Variants in CHL1 observed in about 807,000 individuals in gnomAD.
CHL1 encodes cell adhesion molecule L1 like, also known as neural cell adhesion molecule L1-like protein.
A neutral mutation model predicts 141.9 loss-of-function variants in CHL1; 96 were observed. The observed-to-expected ratio is 0.68, with a 90% CI of 0.57 to 0.80. CHL1 has a LOEUF of 0.80. Among genes scored for constraint, CHL1 ranks in the 30% least tolerant of loss-of-function variants. The probability of loss-of-function intolerance (pLI) is 0.00; values close to 1 mark genes in which losing one functional copy is unlikely to be tolerated. For synonymous variants in CHL1, 613 were observed against 502.2 expected, an observed-to-expected ratio of 1.22 and a Z score of -2.95; for missense variants, 1,820 against 1,457.2, an observed-to-expected ratio of 1.25 and a Z score of -4.05.
chr3:259,112 A>G (rs1395426629), intron 2 of CHL1, among the ~76,000 whole-genome samples: 1 of 151,094 alleles, frequency 6.6e-6, no homozygotes, highest in Non-Finnish European at 1.5e-5. Flanking sequence ...TTTTAGAGAG[A>G]GAATTTCACC....
intron 2 of CHL1, among the ~76,000 whole-genome samples, chr3:300,800 C>T (rs1271568030): frequency 6.6e-6 from 1 of 151,890 alleles, no homozygotes; most frequent in African/African-American, 2.4e-5. Flanking sequence ...AAGAGAAAAC[C>T]CTTGTGATAT....
chr3:342,935 A>G (rs1370382616), intron 7 of CHL1, 49 bp from the exon 8 acceptor site: 5 of 1,445,772 alleles, frequency 3.5e-6, no homozygotes, highest in African/African-American at 2.9e-5. Context: ...TATTGATATC[A>G]GCATCCACCA....
intron 2 of CHL1, among the ~76,000 whole-genome samples, chr3:297,159 G>C (rs1698264005): frequency 1.3e-5 from 2 of 152,214 alleles, no homozygotes; most frequent in South Asian, 4.1e-4. Flanking sequence ...CGGGGAGATG[G>C]AGGCTTCAGA....
chr3:326,562 A>G (rs540306270), intron 4 of CHL1, among the ~76,000 whole-genome samples: 5 of 151,982 alleles, frequency 3.3e-5, no homozygotes, highest in Admixed American at 6.6e-5. Context: ...ATTGCATGAT[A>G]TACTACTATC....
Position 307,560 on chromosome 3 carries a change from T to C in CHL1, c.-94-12123T>C, listed in dbSNP as rs1352221252. Among the ~76,000 whole-genome samples, 3 of 152,216 alleles carry C rather than the reference T, an allele frequency of 2.0e-5. No individual in the cohort carries two copies. The East Asian group carries it at 5.8e-4, about 29-fold the overall frequency. On this transcript the variant is annotated intron_variant, in intron 2 of 27. Coordinates refer to ENST00000256509, the MANE Select transcript of CHL1 (RefSeq NM_006614.4). ...GCCTGGAGTGCAATGAAATTGTGTT[T>C]AGGCTGTGGGGCTCCCTTGATTTTT... is the stretch of plus-strand genomic sequence containing the variant.
chr3:197,976 C>T, intron 1 of CHL1: 1 of 365,326 alleles, frequency 2.7e-6, no homozygotes, highest in South Asian at 2.0e-5. Context: ...GGAAAGCCAG[C>T]CCCTCCGTTC....
intron 15 of CHL1, chr3:373,594 G>A (rs1174636488): frequency 1.3e-5 from 2 of 152,416 alleles, no homozygotes; most frequent in Non-Finnish European, 2.9e-5. Flanking sequence ...CTCTTCTAAG[G>A]AGCTCAAATG....
chr3:376,315 G>A, intron 15 of CHL1: 1 of 481,056 alleles, frequency 2.1e-6, no homozygotes, highest in East Asian at 5.9e-5. Context: ...TTTGACATGT[G>A]ACAGAATTAT....
rs749837860 is a variant in CHL1 at position 406,026 on chromosome 3, C to T, written c.*315C>T. On this transcript the variant is annotated 3_prime_UTR_variant, in exon 28 of 28. Transcript: ENST00000256509. ...TATATTCCATATTTGCCTGATTTTACTATTCGGTGTGTTTGCATAGATGTT... is the reference window on the plus strand; with the variant it reads ...TATATTCCATATTTGCCTGATTTTATTATTCGGTGTGTTTGCATAGATGTT... 7.4e-6 allele frequency: 2 copies of T among 271,268 alleles called. No individual in the cohort carries two copies. Among genetic ancestry groups the T allele is most frequent in the Admixed American group, 5.0e-5 (1 of 19,842 alleles). The allele number at this position is 271,268 out of a possible 1,614,324, so 16.8% of individuals were successfully genotyped here.
intron 1 of CHL1, among the ~76,000 whole-genome samples, chr3:228,317 G>A (rs759113247): frequency 7.2e-5 from 11 of 152,138 alleles, no homozygotes; most frequent in Non-Finnish European, 1.3e-4. Context: ...GTAGAAAAAC[G>A]TCACCAACGA....
intron 1 of CHL1, among the ~76,000 whole-genome samples, chr3:202,267 C>G (rs1478773143): frequency 6.6e-6 from 1 of 152,070 alleles, no homozygotes; most frequent in Non-Finnish European, 1.5e-5. Flanking sequence ...AATTATCCTT[C>G]TATATCATGT....
intron 23 of CHL1, among the ~76,000 whole-genome samples, chr3:392,602 T>C (rs1476654446): frequency 1.3e-5 from 2 of 152,072 alleles, no homozygotes; most frequent in Non-Finnish European, 2.9e-5. Flanking sequence ...CAACCCATCA[T>C]GAAAATTTTA....
intron 19 of CHL1, among the ~76,000 whole-genome samples, chr3:385,040 T>C (rs1707510505): frequency 6.6e-6 from 1 of 152,204 alleles, no homozygotes; most frequent in Non-Finnish European, 1.5e-5. Context: ...ATGAAATATA[T>C]TCAATAATAT....
Position 391,001 on chromosome 3 carries a change from C to G in CHL1, c.2633C>G (p.Pro878Arg), listed in dbSNP as rs1200839868. 2 of 1,613,984 alleles carry G rather than the reference C, an allele frequency of 1.2e-6. No individual in the cohort carries two copies. The highest frequency in any genetic ancestry group is 1.7e-6 in the Non-Finnish European group (2 of 1,180,010). Residue 878 changes from proline (P) to arginine (R), a missense_variant, in exon 22 of 28, where the codon CCC becomes CGC. Transcript: ENST00000256509. The part of the protein sequence containing the change: ...TKSLLDGRTH[P>R]KEVNILRFSG... Reference sequence around the variant, plus strand: ...AGTCTGTTGGATGGAAGAACACATCCCAAAGAAGTGAACATTCTAAGATTT... The same window carrying G: ...AGTCTGTTGGATGGAAGAACACATCGCAAAGAAGTGAACATTCTAAGATTT...
rs528247789 is a variant in CHL1, at chr3:386,807, G to T, written c.2248-2445G>T. Reference sequence around the variant, plus strand: ...TACTGGCTTTAAAATGAAAATAAGTGGAATTAAATGAAATATTGTATAACA... The same window carrying T: ...TACTGGCTTTAAAATGAAAATAAGTTGAATTAAATGAAATATTGTATAACA... On this transcript the variant is annotated intron_variant, in intron 19 of 27. Coordinates refer to ENST00000256509, the MANE Select transcript of CHL1 (RefSeq NM_006614.4). Among the ~76,000 whole-genome samples, 5 of 151,886 alleles carry T rather than the reference G, an allele frequency of 3.3e-5. No homozygotes were observed. In the East Asian group the frequency reaches 9.7e-4, roughly 29 times the overall value.
At chr3:287,133 G>T (rs1456041886) in intron 2 of CHL1, among the ~76,000 whole-genome samples, 2 of 151,894 alleles carry the variant, frequency 1.3e-5, no homozygotes, top group African/African-American at 2.4e-5. Context: ...GAGTTGCTCT[G>T]GTTCAAACGC....
At chr3:390,168 C>T (rs1708104122) in intron 20 of CHL1, among the ~76,000 whole-genome samples, 1 of 152,180 alleles carries the variant, frequency 6.6e-6, no homozygotes, top group Non-Finnish European at 1.5e-5. Flanking sequence ...GCACACAAAA[C>T]ACATATCACA....
chr3:385,184 C>T (rs1486027548), intron 19 of CHL1, among the ~76,000 whole-genome samples: 1 of 152,110 alleles, frequency 6.6e-6, no homozygotes, highest in Non-Finnish European at 1.5e-5. Flanking sequence ...TAGAAATTTT[C>T]ATAAAGTAGA....
intron 1 of CHL1, among the ~76,000 whole-genome samples, chr3:201,504 A>G (rs532401900): frequency 2.0e-5 from 3 of 152,112 alleles, no homozygotes; most frequent in Non-Finnish European, 4.4e-5. Flanking sequence ...GTGTGAGTGT[A>G]TATGTGTATG....
Sources: gnomAD v4.1 joint callset for allele counts (sites outside exome capture counted in the v4.1 genomes callset) on GRCh38, gnomAD v4.1.1 for gene constraint, MANE v1.5 for transcripts, NCBI Gene and HGNC (gene_info 2026-07-23, HGNC 2026-07-21) for gene names.